The following ENTPD7 variants were observed in gnomAD, a reference collection of about 807,000 sequenced individuals.
The protein encoded by ENTPD7 is NTPDase 7.
In ENTPD7, 53 loss-of-function variants were observed where a neutral mutation model predicts 77.9. The ratio of observed to expected loss-of-function variants is 0.68; its 90% CI spans 0.55 to 0.85. ENTPD7 has a LOEUF of 0.85. ENTPD7 is among the 40% of genes least tolerant of loss of function. ENTPD7 has a pLI of 0.00. For missense variants in ENTPD7, 636 were observed against 743.7 expected (o/e 0.86, Z 1.68); for synonymous variants, 248 against 274.9 (o/e 0.90, Z 0.97).
intron 3 of ENTPD7, among the ~76,000 whole-genome samples, chr10:99,675,534 A>G (rs1382395899): frequency 2.0e-5 from 2 of 101,554 alleles, no homozygotes; most frequent in Non-Finnish European, 3.5e-5. Context: ...TTAGATTCCA[A>G]TTGCAACTCA....
chr10:99,678,499 G>GTA (rs2035713312), intron 3 of ENTPD7, among the ~76,000 whole-genome samples: 1 of 151,072 alleles, frequency 6.6e-6, no homozygotes, highest in East Asian at 1.9e-4. Flanking sequence ...AAAGATATAT[G>GTA]TATATATATA....
chr10:99,698,621 G>A lies in ENTPD7; in HGVS notation c.1098G>A (p.Arg366=), dbSNP rs778451819. 1.3e-5 allele frequency: 21 copies of A among 1,614,084 alleles called. No homozygotes were observed. The highest frequency in any genetic ancestry group is 1.8e-5 in the Non-Finnish European group (21 of 1,180,046). Residue 366 remains arginine, a synonymous_variant, in exon 10 of 13, where the codon AGG becomes AGA. Transcript: ENST00000370489. ...LPVGLTDVVE[R]NSQVLHVRGR... ...TGGGACTCACAGATGTGGTGGAGAG[G>A]AACAGCCAAGTCTTACATGTCCGAG...
At position 99,695,996 on chromosome 10, in the gene ENTPD7, G is replaced by T; in HGVS notation, c.884G>T (p.Gly295Val). The T allele has an allele frequency of 6.2e-7, 1 of 1,614,048 alleles. No individual in the cohort carries two copies. The highest frequency in any genetic ancestry group is 8.5e-7 in the Non-Finnish European group (1 of 1,179,960). ...AKILLAEFNL[G>V]CDVQHTEHVY... ...ATCCTGCTGGCTGAGTTCAACCTGG[G>T]CTGTGATGTGCAACACACTGAACAC... The change falls in exon 9 of 13, where the codon GGC (glycine) becomes GTC (valine). Residue 295 changes from glycine to valine, a missense_variant. Gly to Val is a moderately radical substitution (Grantham distance 109). Around this residue, in one of 3 missense-constraint regions of ENTPD7, gnomAD observed 486 missense variants for 556.5 expected, o/e 0.87. Coordinates refer to ENST00000370489, the MANE Select transcript of ENTPD7 (RefSeq NM_020354.5).
In ENTPD7 at chr10:99,705,122, G is replaced by A. The variant is rs957912890; in HGVS notation, c.*439G>A. 1.1e-5 allele frequency: 2 copies of A among 177,228 alleles called. No individual in the cohort carries two copies. Among genetic ancestry groups the A allele is most frequent in the African/African-American group, 4.7e-5 (2 of 42,386 alleles). 11.0% of individuals were successfully genotyped at this position (177,228 alleles called of 1,614,324 possible). The stretch of plus-strand genomic sequence containing the variant: ...AGCAGCCCCTTCTTTCTCTGTAACA[G>A]AGATATCATTTATGTGGAGATCCAC... On this transcript the variant is annotated 3_prime_UTR_variant, in exon 13 of 13. Coordinates refer to ENST00000370489, the MANE Select transcript of ENTPD7 (RefSeq NM_020354.5).
Position 99,691,391 on chromosome 10 carries a change from A to G in ENTPD7, c.716A>G (p.Asp239Gly). Residue 239 changes from aspartate to glycine, a missense_variant, in exon 8 of 13, where the codon GAT (aspartate) becomes GGT (glycine). Around this residue, in one of 3 missense-constraint regions of ENTPD7, gnomAD observed 486 missense variants for 556.5 expected, o/e 0.87. Coordinates refer to ENST00000370489, the MANE Select transcript of ENTPD7 (RefSeq NM_020354.5). ...GTTCTCTTATTTATTTCAGAATCAG[A>G]TGCTGAGGCTACCCAGGAATTGGCA... ...LGRFDHEDES[D>G]AEATQELAAG... 6.2e-7 allele frequency: 1 copy of G among 1,613,392 alleles called. No homozygotes were observed. Among genetic ancestry groups the G allele is most frequent in the Non-Finnish European group, 8.5e-7 (1 of 1,179,762 alleles).
intron 8 of ENTPD7, among the ~76,000 whole-genome samples, chr10:99,693,616 A>G (rs560798782): frequency 6.6e-6 from 1 of 152,282 alleles, no homozygotes; most frequent in African/African-American, 2.4e-5. Context: ...GCAAGCAACA[A>G]ATTAGATTTA....
At position 99,698,685 on chromosome 10, in the gene ENTPD7, C is replaced by A. The variant is rs1413438647; in HGVS notation, c.1162C>A (p.Pro388Thr). Residue 388 changes from proline (P) to threonine (T), a missense_variant, in exon 10 of 13, where the codon CCC becomes ACC. Physicochemically the swap from Pro to Thr is conservative, Grantham distance 38. Transcript: ENST00000370489. ...DWVSCGAMLS[P>T]LLARSNTSQA... ...GGTGTCTTGTGGGGCAATGCTGAGC[C>A]CCCTGCTGGCTCGCTCCAACACCAG... 6.2e-7 allele frequency: 1 copy of A among 1,614,136 alleles called. No homozygotes were observed. The highest frequency in any genetic ancestry group is 8.5e-7 in the Non-Finnish European group (1 of 1,180,022).
intron 9 of ENTPD7, 100 bp from the exon 10 acceptor site, chr10:99,698,434 C>A: frequency 8.6e-7 from 1 of 1,160,410 alleles, no homozygotes; most frequent in Non-Finnish European, 1.2e-6. Context: ...ATCATGAAAA[C>A]CAGTAGTAAG....
At chr10:99,670,096 A>T (rs2035602971) in intron 3 of ENTPD7, among the ~76,000 whole-genome samples, 1 of 152,134 alleles carries the variant, frequency 6.6e-6, no homozygotes, top group Non-Finnish European at 1.5e-5. Context: ...GCCACATAAG[A>T]CATGCTCCAA....
intron 3 of ENTPD7, among the ~76,000 whole-genome samples, chr10:99,666,599 C>T (rs2035553984): frequency 6.6e-6 from 1 of 152,186 alleles, no homozygotes; most frequent in Non-Finnish European, 1.5e-5. Context: ...AGTAATTGAA[C>T]TAGAGATGCT....
At chr10:99,680,691 A>T (rs775465119) in intron 5 of ENTPD7, among the ~76,000 whole-genome samples, 1 of 151,634 alleles carries the variant, frequency 6.6e-6, no homozygotes, top group Non-Finnish European at 1.5e-5. Context: ...GGCCCAAGTG[A>T]TCCTCCCACC....
At position 99,695,277 on chromosome 10, in the gene ENTPD7, C is replaced by G. The variant is rs149691402; in HGVS notation, c.844-679C>G. On this transcript the variant is annotated intron_variant, in intron 8 of 12. Coordinates refer to ENST00000370489, the MANE Select transcript of ENTPD7 (RefSeq NM_020354.5). ...CAGTGGCTCACACCTGTAATCCCAG[C>G]ACTTTGGGAGGCTGAGAAGGGCTGA... Among the ~76,000 whole-genome samples, 306 of 152,022 alleles carry G rather than the reference C, an allele frequency of 2.0e-3. 1 individual carries two copies. The highest frequency in any genetic ancestry group is 6.9e-3 in the African/African-American group (288 of 41,474).
In ENTPD7 at chr10:99,702,643, T is replaced by C. The variant is rs770239059; in HGVS notation, c.1553T>C (p.Ile518Thr). 4 of 1,613,024 alleles carry C rather than the reference T, an allele frequency of 2.5e-6. No individual in the cohort carries two copies. In the East Asian group the frequency reaches 8.9e-5, roughly 36 times the overall value. Residue 518 changes from isoleucine to threonine, a missense_variant, in exon 12 of 13, where the codon ATT becomes ACT. By Grantham distance (89) the Ile-to-Thr change is moderately conservative (BLOSUM62 -1). Transcript: ENST00000370489. ...GAGGTTCAGTGGACGCTGGGAGCCA[T>C]TCTATATAAAACACGATTCTTACCA... ...DREVQWTLGAILYKTRFLPLR... is the reference protein window; with the variant it reads ...DREVQWTLGATLYKTRFLPLR...
Position 99,679,374 on chromosome 10 carries a change from G to T in ENTPD7, c.305G>T (p.Trp102Leu). The T allele has an allele frequency of 6.2e-7, 1 of 1,613,984 alleles. No individual in the cohort carries two copies. The highest frequency in any genetic ancestry group is 8.5e-7 in the Non-Finnish European group (1 of 1,180,008). Residue 102 changes from tryptophan to leucine, a missense_variant, in exon 4 of 13, where the codon TGG (tryptophan) becomes TTG (leucine). By Grantham distance (61) the Trp-to-Leu change is moderately conservative. Coordinates refer to ENST00000370489, the MANE Select transcript of ENTPD7 (RefSeq NM_020354.5). ...SSGSRIFVYF[W>L]PRHNGNPHDL... ...GGTTCCCGGATTTTTGTTTATTTCT[G>T]GCCAAGACATAATGGGAACCCCCAT...
chr10:99,695,698 A>G (rs553950449), intron 8 of ENTPD7, among the ~76,000 whole-genome samples: 25 of 152,278 alleles, frequency 1.6e-4, no homozygotes, highest in African/African-American at 5.8e-4. Flanking sequence ...TAGTAATTCT[A>G]CCTCCTATAT....
At chr10:99,677,536 T>C (rs1264943003) in intron 3 of ENTPD7, among the ~76,000 whole-genome samples, 1 of 152,006 alleles carries the variant, frequency 6.6e-6, no homozygotes, top group Non-Finnish European at 1.5e-5. Flanking sequence ...GGCTAATTTT[T>C]GTATTTTTAG....
chr10:99,684,286 A>T (rs1434082129), intron 5 of ENTPD7, among the ~76,000 whole-genome samples: 1 of 152,206 alleles, frequency 6.6e-6, no homozygotes, highest in African/African-American at 2.4e-5. Flanking sequence ...TCCTGACCTC[A>T]GGTTATCCAT....
At position 99,661,581 on chromosome 10, in the gene ENTPD7, C is replaced by T. The variant is rs764641801; in HGVS notation, c.144C>T (p.Asp48=). 3.1e-6 allele frequency: 5 copies of T among 1,613,510 alleles called. No homozygotes were observed. In the South Asian group the frequency reaches 4.4e-5, roughly 14 times the overall value. The part of the protein sequence containing the change: ...SCLLLLMLII[D]FRHWSASLPR... ...TCCTTTTACTTATGTTAATCATAGA[C>T]TTTCGACATTGGAGTGCTTCATTAC... Residue 48 remains aspartate, a synonymous_variant, in exon 3 of 13, where the codon GAC becomes GAT. Transcript: ENST00000370489.
chr10:99,682,320 A>G (rs962987821), intron 5 of ENTPD7, among the ~76,000 whole-genome samples: 1 of 152,200 alleles, frequency 6.6e-6, no homozygotes, highest in Non-Finnish European at 1.5e-5. Flanking sequence ...AGACATGTAG[A>G]CAACATAACA....
Sources: allele counts gnomAD v4.1 joint callset (sites outside exome capture counted in the v4.1 genomes callset), GRCh38; gene constraint gnomAD v4.1.1; regional missense constraint gnomAD v4.1.1; transcripts MANE v1.5; gene names NCBI Gene and HGNC (gene_info 2026-07-23, HGNC 2026-07-21).